The following ZNF606 variants were observed in gnomAD, a reference collection of about 807,000 sequenced individuals.
ZNF606 encodes zinc finger protein 606.
Under a neutral mutation model 74.9 loss-of-function variants are expected in ZNF606, and 37 were observed. That is an observed-to-expected ratio of 0.49 (90% CI 0.38 to 0.65). The LOEUF is 0.65. ZNF606 is among the 30% of genes least tolerant of loss of function. The probability of loss-of-function intolerance (pLI) is 0.00; values close to 1 mark genes in which losing one functional copy is unlikely to be tolerated. For missense variants in ZNF606, 852 were observed against 952.9 expected (o/e 0.89, Z 1.39); for synonymous variants, 328 against 312.4 (o/e 1.05, Z -0.53).
rs1406624186 is a variant in ZNF606, at chr19:57,980,174, G to C, written c.506C>G (p.Pro169Arg). The change falls in exon 7 of 7, where the codon CCT (proline) becomes CGT (arginine). Residue 169 changes from proline (P) to arginine (R), a missense_variant. Around this residue, in one of 3 missense-constraint regions of ZNF606, gnomAD observed 545 missense variants for 542.5 expected, o/e 1.00. Coordinates refer to ENST00000551380, the MANE Select transcript of ZNF606 (RefSeq NM_001348022.3). ...MKLERYIWDD[P>R]WFSRLEVLGC... ...CAAAACTTCTAACCTGGAGAACCAA[G>C]GATCATCCCATATATATCTTTCCAA... The C allele has an allele frequency of 1.2e-6, 2 of 1,614,102 alleles. No individual in the cohort carries two copies. The highest frequency in any genetic ancestry group is 8.5e-7 in the Non-Finnish European group (1 of 1,180,028).
chr19:58,000,816 C>T lies in ZNF606; in HGVS notation c.32-77G>A, dbSNP rs2123351296. 4 of 1,367,308 alleles carry T rather than the reference C, an allele frequency of 2.9e-6. No homozygotes were observed. In the East Asian group the frequency reaches 9.4e-5, roughly 32 times the overall value. 84.7% of individuals were successfully genotyped at this position (1,367,308 alleles called of 1,614,324 possible). A position where few individuals can be genotyped will look rare whatever the true frequency, so the allele number is the denominator to read the frequency against. Reference sequence around the variant, plus strand: ...GCGACAAAATACAAGAGGAGGCTGACTCGCTAATGGGCACTACAAAATTCC... The same window carrying T: ...GCGACAAAATACAAGAGGAGGCTGATTCGCTAATGGGCACTACAAAATTCC... On this transcript the variant is annotated intron_variant, in intron 2 of 6. Coordinates refer to ENST00000551380, the MANE Select transcript of ZNF606 (RefSeq NM_001348022.3).
chr19:57,996,885 T>C (rs2073348700), intron 4 of ZNF606, among the ~76,000 whole-genome samples: 4 of 152,168 alleles, frequency 2.6e-5, no homozygotes, highest in African/African-American at 9.7e-5. Context: ...CATATAAGCA[T>C]TTATCTAGGC....
chr19:57,991,963 C>T (rs1176791407), intron 4 of ZNF606, among the ~76,000 whole-genome samples: 1 of 152,100 alleles, frequency 6.6e-6, no homozygotes, highest in Non-Finnish European at 1.5e-5. Flanking sequence ...CCTGGGGTGG[C>T]ACCTTCTTAG....
chr19:58,000,786 T>G, intron 2 of ZNF606, 47 bp from the exon 3 acceptor site: 1 of 1,503,656 alleles, frequency 6.7e-7, no homozygotes, highest in South Asian at 1.3e-5. Flanking sequence ...ACCTAGTGAT[T>G]CAAGGCGACA....
rs1469670087 is a variant in ZNF606 at position 57,978,213 on chromosome 19, T to TG, written c.*87_*88insC. 7 of 1,328,414 alleles carry TG rather than the reference T, an allele frequency of 5.3e-6. No homozygotes were observed. The highest frequency in any genetic ancestry group is 7.1e-6 in the Non-Finnish European group (7 of 984,632). 82.3% of individuals were successfully genotyped at this position (1,328,414 alleles called of 1,614,324 possible). ...TGTGGGAGAAGTCTTACTGAACTCT[T>TG]AATGAAAAATGTCCCCTCTTGATTA... On this transcript the variant is annotated 3_prime_UTR_variant, in exon 7 of 7. Transcript: ENST00000551380. The surrounding 1 kb of genome is among the most constrained non-coding windows in gnomAD (Gnocchi z 4.4).
chr19:57,983,761 G>C (rs533138855), intron 6 of ZNF606, among the ~76,000 whole-genome samples: 12 of 152,282 alleles, frequency 7.9e-5, no homozygotes, highest in African/African-American at 2.4e-4. Context: ...AGACTGACTA[G>C]TCACTCAGCA....
At chr19:57,983,296 C>T (rs769925302) in intron 6 of ZNF606, among the ~76,000 whole-genome samples, 29 of 152,002 alleles carry the variant, frequency 1.9e-4, no homozygotes, top group Non-Finnish European at 2.2e-4. Context: ...ACTCTGAGGT[C>T]GGGCATGGTA....
chr19:57,986,330 T>C (rs575048014), intron 6 of ZNF606, among the ~76,000 whole-genome samples: 3 of 152,172 alleles, frequency 2.0e-5, no homozygotes, highest in African/African-American at 4.8e-5. Context: ...TGTGCACCTA[T>C]AGTCCCAGCT....
In ZNF606 at chr19:57,988,798, G is replaced by C. The variant is rs554429688; in HGVS notation, c.178-77C>G. 5.2e-4 allele frequency: 839 copies of C among 1,598,910 alleles called. 1 individual carries two copies. Among genetic ancestry groups the C allele is most frequent in the Admixed American group, 1.1e-3 (68 of 59,788 alleles). ...TTCCAGGGATGGAGTGAGGCTGACA[G>C]CCCTGGGGAGAGAAGACAGGATGTA... On this transcript the variant is annotated intron_variant, in intron 4 of 6. Coordinates refer to ENST00000551380, the MANE Select transcript of ZNF606 (RefSeq NM_001348022.3).
intron 6 of ZNF606, among the ~76,000 whole-genome samples, chr19:57,985,418 G>A (rs1263298358): frequency 6.6e-6 from 1 of 152,164 alleles, no homozygotes; most frequent in Non-Finnish European, 1.5e-5. Flanking sequence ...TATTTTGCCT[G>A]ACAGAGAACT....
In ZNF606 at chr19:57,979,659, CA is replaced by C; in HGVS notation, c.1020del (p.Gly341GlufsTer28). The C allele has an allele frequency of 6.2e-7, 1 of 1,613,586 alleles. No individual in the cohort carries two copies. Among genetic ancestry groups the C allele is most frequent in the South Asian group, 1.1e-5 (1 of 91,042 alleles). ...PSFNEHPRLH[V>X]GENQYNYKEY... is the part of the protein sequence containing the mutation. ...TCTTTGTAATTATACTGGTTTTCTC[CA>C]ACATGAAGCCTTGGGTGTTCATTAA... On this transcript the variant is annotated frameshift_variant, in exon 7 of 7. Transcript: ENST00000551380. LOFTEE classifies it high-confidence loss of function.
chr19:57,981,157 C>T (rs926651781), intron 6 of ZNF606, among the ~76,000 whole-genome samples: 1 of 152,198 alleles, frequency 6.6e-6, no homozygotes, highest in Admixed American at 6.5e-5. Flanking sequence ...AATAAACACA[C>T]TGGACTCCTA....
rs2073388001 is a variant in ZNF606, at chr19:57,999,718, C to T, written c.177+90G>A. On this transcript the variant is annotated intron_variant, in intron 4 of 6. Coordinates refer to ENST00000551380, the MANE Select transcript of ZNF606 (RefSeq NM_001348022.3). Reference sequence around the variant, plus strand: ...GTTGCTTCCTTCCCTACCCAAACTCCAACTGTTGTAAACTGGAGAGCCGCA... The same window carrying T: ...GTTGCTTCCTTCCCTACCCAAACTCTAACTGTTGTAAACTGGAGAGCCGCA... The T allele has an allele frequency of 2.2e-6, 3 of 1,359,520 alleles. No homozygotes were observed. In the Admixed American group the frequency reaches 5.3e-5, roughly 24 times the overall value. The allele number at this position is 1,359,520 out of a possible 1,614,324, so 84.2% of individuals were successfully genotyped here.
chr19:57,997,359 A>G (rs1257063609), intron 4 of ZNF606: 2 of 152,262 alleles, frequency 1.3e-5, no homozygotes, highest in Non-Finnish European at 2.9e-5. Flanking sequence ...ACTTCCATGA[A>G]TGGACTATTC....
At position 57,978,246 on chromosome 19, in the gene ZNF606, A is replaced by C; in HGVS notation, c.*55T>G. The C allele has an allele frequency of 6.7e-7, 1 of 1,490,950 alleles. No homozygotes were observed. The highest frequency in any genetic ancestry group is 9.0e-7 in the Non-Finnish European group (1 of 1,115,744). 92.4% of individuals were successfully genotyped at this position (1,490,950 alleles called of 1,614,324 possible). The stretch of plus-strand genomic sequence containing the variant: ...AATGTCCCCTCTTGATTATGTTTAT[A>C]GGGTTTTCCTCAATGTGTTGTCAAA... On this transcript the variant is annotated 3_prime_UTR_variant, in exon 7 of 7. Transcript: ENST00000551380. The surrounding 1 kb of genome is among the most constrained non-coding windows in gnomAD (Gnocchi z 4.4).
intron 6 of ZNF606, among the ~76,000 whole-genome samples, chr19:57,981,539 G>T (rs950680413): frequency 6.6e-6 from 1 of 152,178 alleles, no homozygotes; most frequent in Non-Finnish European, 1.5e-5. Context: ...TTTACATCAT[G>T]AGTGCTCTCA....
At chr19:57,987,629 A>G (rs1315848387) in intron 6 of ZNF606, among the ~76,000 whole-genome samples, 1 of 152,094 alleles carries the variant, frequency 6.6e-6, no homozygotes, top group African/African-American at 2.4e-5. Flanking sequence ...GGAGTTCGAG[A>G]CCAGCCCAGC....
chr19:57,999,988 C>A lies in ZNF606; in HGVS notation c.89-92G>T, dbSNP rs539294609. ...GGCTGAGAACCAGCCCCTGCCCCTC[C>A]CCCTTGAATGAGGAAAGAGACCCAC... On this transcript the variant is annotated intron_variant, in intron 3 of 6. Transcript: ENST00000551380. 30 of 1,120,996 alleles carry A rather than the reference C, an allele frequency of 2.7e-5. No homozygotes were observed. In the African/African-American group the frequency reaches 4.1e-4, roughly 15 times the overall value. 69.4% of individuals were successfully genotyped at this position (1,120,996 alleles called of 1,614,324 possible).
At chr19:57,988,816 A>G in intron 4 of ZNF606, 95 bp from the exon 5 acceptor site, 3 of 1,578,304 alleles carry the variant, frequency 1.9e-6, no homozygotes, top group Non-Finnish European at 2.6e-6. Flanking sequence ...GAGAGAAGAC[A>G]GGATGTAGAG....
Sources: allele counts gnomAD v4.1 joint callset (sites outside exome capture counted in the v4.1 genomes callset), GRCh38; gene constraint gnomAD v4.1.1; regional missense constraint gnomAD v4.1.1; non-coding constraint Gnocchi (gnomAD v3.1); transcripts MANE v1.5; gene names NCBI Gene and HGNC (gene_info 2026-07-23, HGNC 2026-07-21).